Variants in UNC5C observed in about 807,000 individuals in gnomAD.
The protein encoded by UNC5C is unc-5 netrin receptor C.
Under a neutral mutation model 99.8 loss-of-function variants are expected in UNC5C, and 47 were observed. The ratio of observed to expected loss-of-function variants is 0.47; its 90% CI spans 0.37 to 0.60. The LOEUF (loss-of-function observed/expected upper bound fraction) is 0.60, where lower values mean the gene tolerates loss of function less well. Among genes scored for constraint, UNC5C ranks in the 20% least tolerant of loss-of-function variants. The probability of loss-of-function intolerance (pLI) is 0.00; values close to 1 mark genes in which losing one functional copy is unlikely to be tolerated. For synonymous variants in UNC5C, 487 were observed against 452.2 expected (o/e 1.08, Z -0.98); for missense variants, 1,062 against 1,165.9 (o/e 0.91, Z 1.30).
rs966315935 is a variant in UNC5C, at chr4:95,167,699, G to T, written c.*1535C>A. On this transcript the variant is annotated 3_prime_UTR_variant, in exon 16 of 16. Coordinates refer to ENST00000453304, the MANE Select transcript of UNC5C (RefSeq NM_003728.4). ...TCAGTGAACAGCATAATGCAATGAT[G>T]CAGAGCGACTCAGGCCAAACAAACA... 6.6e-6 allele frequency: 1 copy of T among 152,236 alleles called. No homozygotes were observed. The highest frequency in any genetic ancestry group is 1.5e-5 in the Non-Finnish European group (1 of 68,052). The allele number at this position is 152,236 out of a possible 1,614,324, so 9.4% of individuals were successfully genotyped here. A position where few individuals can be genotyped will look rare whatever the true frequency, so the allele number is the denominator to read the frequency against.
At chr4:95,312,812 A>G (rs151150483) in intron 2 of UNC5C, among the ~76,000 whole-genome samples, 2 of 152,312 alleles carry the variant, frequency 1.3e-5, no homozygotes, top group African/African-American at 4.8e-5. Flanking sequence ...GTTCTGTAGT[A>G]AAGAAGTCTG....
intron 1 of UNC5C, among the ~76,000 whole-genome samples, chr4:95,354,479 A>ATATATATATATTTTT: frequency 3.2e-4 from 35 of 110,344 alleles, no homozygotes; most frequent in African/African-American, 1.4e-3. Flanking sequence ...ATATATATAT[A>ATATATATATATTTTT]TTTTTTTTTT....
chr4:95,328,862 C>A (rs1743005118), intron 2 of UNC5C, among the ~76,000 whole-genome samples: 1 of 152,188 alleles, frequency 6.6e-6, no homozygotes, highest in Non-Finnish European at 1.5e-5. Context: ...CTACTCACTG[C>A]TGCAGGCTGG....
intron 1 of UNC5C, among the ~76,000 whole-genome samples, chr4:95,447,154 A>T (rs7684538): frequency 0.19 from 29,433 of 152,170 alleles, 3,312 homozygotes; most frequent in Non-Finnish European, 0.25. Flanking sequence ...TCTAGTAAAA[A>T]ATTGAAGAGC....
At chr4:95,219,927 G>A in intron 8 of UNC5C, 58 bp downstream of exon 8, 1 of 1,548,298 alleles carries the variant, frequency 6.5e-7, no homozygotes, top group Non-Finnish European at 8.7e-7. Flanking sequence ...TAAAGTCATT[G>A]ATTTTGAAAC....
intron 14 of UNC5C, among the ~76,000 whole-genome samples, chr4:95,180,643 C>T (rs1736575410): frequency 6.6e-6 from 1 of 152,216 alleles, no homozygotes; most frequent in South Asian, 2.1e-4. Flanking sequence ...AGCCTGGTCT[C>T]TGGGGTGGGC....
intron 10 of UNC5C, among the ~76,000 whole-genome samples, chr4:95,215,331 T>C (rs1738210738): frequency 6.6e-6 from 1 of 152,244 alleles, no homozygotes; most frequent in South Asian, 2.1e-4. Context: ...TTTAACAACA[T>C]CTTTCATTTT....
intron 1 of UNC5C, among the ~76,000 whole-genome samples, chr4:95,490,402 T>A (rs539311156): frequency 6.6e-5 from 10 of 151,724 alleles, no homozygotes; most frequent in Non-Finnish European, 1.2e-4. Context: ...CATTGTGAAC[T>A]TTTAATTAAT....
intron 1 of UNC5C, among the ~76,000 whole-genome samples, chr4:95,485,182 C>A (rs1187294194): frequency 6.6e-6 from 1 of 151,660 alleles, no homozygotes; most frequent in East Asian, 2.0e-4. Context: ...GTTCTGGCAA[C>A]AATTTCTAAT....
At chr4:95,374,372 T>C (rs138750773) in intron 1 of UNC5C, among the ~76,000 whole-genome samples, 6 of 152,296 alleles carry the variant, frequency 3.9e-5, no homozygotes, top group Non-Finnish European at 7.4e-5. Flanking sequence ...TTTAAGTGCT[T>C]TGAGTGTCAC....
intron 1 of UNC5C, among the ~76,000 whole-genome samples, chr4:95,503,793 C>T (rs1358775642): frequency 6.6e-6 from 1 of 152,096 alleles, no homozygotes; most frequent in African/African-American, 2.4e-5. Context: ...CCTCATCACT[C>T]CTCCAAATTC....
chr4:95,286,429 C>G (rs1458348872), intron 3 of UNC5C, among the ~76,000 whole-genome samples: 1 of 152,122 alleles, frequency 6.6e-6, no homozygotes, highest in East Asian at 1.9e-4. Flanking sequence ...TATGGAACAC[C>G]AAGTTACGCA....
chr4:95,373,867 AGTTT>A (rs1413441889), intron 1 of UNC5C, among the ~76,000 whole-genome samples: 1 of 152,160 alleles, frequency 6.6e-6, no homozygotes, highest in African/African-American at 2.4e-5. Context: ...ATTTCATCTT[AGTTT>A]GTTAAGCCAT....
At chr4:95,186,146 C>T (rs914988775) in intron 12 of UNC5C, among the ~76,000 whole-genome samples, 8 of 152,122 alleles carry the variant, frequency 5.3e-5, no homozygotes, top group African/African-American at 9.7e-5. Flanking sequence ...TCCCTATGCA[C>T]GTTACTCCTC....
intron 1 of UNC5C, among the ~76,000 whole-genome samples, chr4:95,480,926 G>T (rs970370988): frequency 2.6e-5 from 4 of 151,352 alleles, no homozygotes; most frequent in African/African-American, 9.7e-5. Context: ...AAAACTGGAA[G>T]CATTCCCTTT....
intron 1 of UNC5C, among the ~76,000 whole-genome samples, chr4:95,376,698 G>T (rs1031778599): frequency 2.0e-5 from 3 of 152,036 alleles, no homozygotes; most frequent in Non-Finnish European, 4.4e-5. Context: ...ATAAGAATAG[G>T]CTGCAATTGT....
intron 1 of UNC5C, among the ~76,000 whole-genome samples, chr4:95,369,711 A>G (rs1344305892): frequency 6.6e-6 from 1 of 152,208 alleles, no homozygotes; most frequent in Non-Finnish European, 1.5e-5. Flanking sequence ...ACCGTTATCA[A>G]TGGTCCAATG....
chr4:95,423,692 C>A (rs897391810), intron 1 of UNC5C, among the ~76,000 whole-genome samples: 7 of 152,152 alleles, frequency 4.6e-5, no homozygotes, highest in Non-Finnish European at 8.8e-5. Flanking sequence ...ATGAAGAGTA[C>A]ATTTCCAGAG....
At chr4:95,479,286 G>A (rs981709385) in intron 1 of UNC5C, among the ~76,000 whole-genome samples, 3 of 151,870 alleles carry the variant, frequency 2.0e-5, no homozygotes, top group African/African-American at 7.3e-5. Context: ...CTTCCTCACT[G>A]TGTGTCTCTA....
Sources: gnomAD v4.1 joint callset for allele counts (sites outside exome capture counted in the v4.1 genomes callset) on GRCh38, gnomAD v4.1.1 for gene constraint, MANE v1.5 for transcripts, NCBI Gene and HGNC (gene_info 2026-07-23, HGNC 2026-07-21) for gene names.